Variants in CDH13 observed in about 807,000 individuals in gnomAD.
The protein encoded by CDH13 is cadherin 13, also known as cadherin-13.
In CDH13, 24 loss-of-function variants were observed where a neutral mutation model predicts 63.8. The observed-to-expected ratio is 0.38, with a 90% CI of 0.27 to 0.53. The LOEUF (loss-of-function observed/expected upper bound fraction) is 0.53, where lower values mean the gene tolerates loss of function less well. CDH13 is among the 20% of genes least tolerant of loss of function. The probability of loss-of-function intolerance (pLI) is 0.85; values close to 1 mark genes in which losing one functional copy is unlikely to be tolerated. For missense variants in CDH13, 1,049 were observed against 903.1 expected (o/e 1.16, Z -2.07); for synonymous variants, 503 against 355.3 (o/e 1.42, Z -4.67).
intron 6 of CDH13, among the ~76,000 whole-genome samples, chr16:83,477,496 C>A (rs889073368): frequency 1.3e-5 from 2 of 152,146 alleles, no homozygotes; most frequent in Non-Finnish European, 2.9e-5. Flanking sequence ...GGCACTTCCT[C>A]ACCTCAAACC....
intron 5 of CDH13, among the ~76,000 whole-genome samples, chr16:83,239,454 C>G (rs1031951571): frequency 6.6e-6 from 1 of 152,176 alleles, no homozygotes; most frequent in Non-Finnish European, 1.5e-5. Context: ...CTGTCTTTAA[C>G]ACCATGACAC....
At chr16:82,766,031 T>C (rs1031783518) in intron 1 of CDH13, among the ~76,000 whole-genome samples, 3 of 152,174 alleles carry the variant, frequency 2.0e-5, no homozygotes, top group East Asian at 1.9e-4. Flanking sequence ...CTTTATATTC[T>C]GGAGAGGTTT....
At chr16:83,466,498 T>A (rs1278072669) in intron 6 of CDH13, among the ~76,000 whole-genome samples, 3 of 152,172 alleles carry the variant, frequency 2.0e-5, no homozygotes, top group African/African-American at 7.2e-5. Context: ...GGCAGTGGGC[T>A]GGGGAGGAAA....
intron 5 of CDH13, among the ~76,000 whole-genome samples, chr16:83,276,869 C>CA (rs755747075): frequency 6.6e-6 from 1 of 152,012 alleles, no homozygotes; most frequent in Non-Finnish European, 1.5e-5. Flanking sequence ...GACTCCATCT[C>CA]AAAAAACAAC....
At chr16:83,397,240 G>A (rs1003317614) in intron 6 of CDH13, 4 of 152,068 alleles carry the variant, frequency 2.6e-5, no homozygotes, top group African/African-American at 4.8e-5. Context: ...ATTATGAGGG[G>A]ATACACCCTC....
At chr16:83,054,672 G>A (rs1255687010) in intron 3 of CDH13, among the ~76,000 whole-genome samples, 4 of 152,080 alleles carry the variant, frequency 2.6e-5, no homozygotes, top group African/African-American at 7.2e-5. Context: ...CAGATAAGAG[G>A]GTGACTGGTG....
At position 83,553,064 on chromosome 16, in the gene CDH13, G is replaced by GT. The variant is rs2075537757; in HGVS notation, c.961-49389dup. On this transcript the variant is annotated intron_variant, in intron 7 of 13. Transcript: ENST00000567109. ...ACTGCACCGTAGCCTGGGCGACAGA[G>GT]TGAGACTCCATCTCAAAAAAAAAAA... Among the ~76,000 whole-genome samples, 3 of 137,232 alleles carry GT rather than the reference G, an allele frequency of 2.2e-5. No homozygotes were observed. The East Asian group carries it at 6.4e-4, about 29-fold the overall frequency. 90.0% of individuals were successfully genotyped at this position (137,232 alleles called of 152,430 possible). A position where few individuals can be genotyped will look rare whatever the true frequency, so the allele number is the denominator to read the frequency against.
intron 3 of CDH13, among the ~76,000 whole-genome samples, chr16:83,103,583 A>C (rs2151607009): frequency 6.6e-6 from 1 of 152,252 alleles, no homozygotes; most frequent in East Asian, 1.9e-4. Flanking sequence ...CACATGCAGG[A>C]GATAAGAGGT....
At position 82,793,805 on chromosome 16, in the gene CDH13, G is replaced by C. The variant is rs149615525; in HGVS notation, c.46-64557G>C. On this transcript the variant is annotated intron_variant, in intron 1 of 13. Coordinates refer to ENST00000567109, the MANE Select transcript of CDH13 (RefSeq NM_001257.5). ...AGGAAAACAGATTAGAAGGCTTAGA[G>C]ATGACTGCATCTCAGGTGCAACACT... 3.6e-3 allele frequency among the ~76,000 whole-genome samples: 551 copies of C among 152,278 alleles called. 7 individuals are homozygous for C. The highest frequency in any genetic ancestry group is 0.011 in the African/African-American group (470 of 41,548).
chr16:82,951,478 G>C (rs567879500), intron 2 of CDH13, among the ~76,000 whole-genome samples: 96 of 152,312 alleles, frequency 6.3e-4, no homozygotes, highest in African/African-American at 2.2e-3. Context: ...CGAGGACACA[G>C]CTCACCATGA....
intron 9 of CDH13, among the ~76,000 whole-genome samples, chr16:83,677,105 G>C (rs1915017427): frequency 1.3e-5 from 2 of 152,204 alleles, no homozygotes; most frequent in South Asian, 4.1e-4. Context: ...GAAGCAGTAT[G>C]CCCTCATCTT....
At chr16:82,733,381 A>AG (rs1465284158) in intron 1 of CDH13, among the ~76,000 whole-genome samples, 1 of 152,052 alleles carries the variant, frequency 6.6e-6, no homozygotes, top group Non-Finnish European at 1.5e-5. Flanking sequence ...GTAAAAAAAA[A>AG]TCAAATGATC....
At chr16:83,562,667 G>A (rs1486029392) in intron 7 of CDH13, among the ~76,000 whole-genome samples, 1 of 152,204 alleles carries the variant, frequency 6.6e-6, no homozygotes. Flanking sequence ...TAGGTTTGGT[G>A]AAGAACGTTT....
chr16:83,274,793 T>C (rs2088933905), intron 5 of CDH13, among the ~76,000 whole-genome samples: 1 of 152,178 alleles, frequency 6.6e-6, no homozygotes, highest in South Asian at 2.1e-4. Context: ...AGAACCTCCA[T>C]GGGTGTGAAC....
chr16:82,707,194 A>G (rs141739199), intron 1 of CDH13, among the ~76,000 whole-genome samples: 47 of 152,376 alleles, frequency 3.1e-4, no homozygotes, highest in Non-Finnish European at 5.0e-4. Flanking sequence ...ATTAACACCA[A>G]TTCCATGCTT....
intron 6 of CDH13, among the ~76,000 whole-genome samples, chr16:83,382,632 G>A (rs2091590818): frequency 6.6e-6 from 1 of 152,104 alleles, no homozygotes; most frequent in Admixed American, 6.5e-5. Context: ...ATACATTGAT[G>A]CAATGTCCAA....
At chr16:83,481,083 A>T (rs1022737855) in intron 6 of CDH13, among the ~76,000 whole-genome samples, 1 of 152,170 alleles carries the variant, frequency 6.6e-6, no homozygotes, top group South Asian at 2.1e-4. Flanking sequence ...TTGATGCTTG[A>T]CAACGATGTG....
chr16:82,633,043 G>A (rs7204787), intron 1 of CDH13, among the ~76,000 whole-genome samples: 71,995 of 151,882 alleles, frequency 0.47, 17,706 homozygotes, highest in Non-Finnish European at 0.55. Flanking sequence ...AGTGCTGGGG[G>A]GCCATTATAA....
At chr16:82,976,790 T>G (rs1311830179) in intron 2 of CDH13, among the ~76,000 whole-genome samples, 1 of 152,192 alleles carries the variant, frequency 6.6e-6, no homozygotes, top group African/African-American at 2.4e-5. Flanking sequence ...GTGAACACAT[T>G]ATTCTGCCTG....
Sources: gnomAD v4.1 joint callset for allele counts (sites outside exome capture counted in the v4.1 genomes callset) on GRCh38, gnomAD v4.1.1 for gene constraint, MANE v1.5 for transcripts, NCBI Gene and HGNC (gene_info 2026-07-23, HGNC 2026-07-21) for gene names.